The following AGBL4 variants were observed in gnomAD, a reference collection of about 807,000 sequenced individuals.
AGBL4 encodes the protein cytosolic carboxypeptidase 6.
In AGBL4, 58 loss-of-function variants were observed where a neutral mutation model predicts 66.4. The observed-to-expected ratio is 0.87, with a 90% CI of 0.71 to 1.09. The LOEUF (loss-of-function observed/expected upper bound fraction) is 1.09. AGBL4 is among the 50% of genes least tolerant of loss of function. The probability of loss-of-function intolerance (pLI) is 0.00; values close to 1 mark genes in which losing one functional copy is unlikely to be tolerated. For synonymous variants in AGBL4, 234 were observed against 222.9 expected (o/e 1.05, Z -0.44); for missense variants, 579 against 631.0 (o/e 0.92, Z 0.88).
intron 3 of AGBL4, among the ~76,000 whole-genome samples, chr1:49,588,931 A>G (rs1296911380): frequency 6.7e-6 from 1 of 148,426 alleles, no homozygotes; most frequent in African/African-American, 2.6e-5. Flanking sequence ...TGCTTCATTT[A>G]TGTTAGAAAT....
intron 2 of AGBL4, among the ~76,000 whole-genome samples, chr1:49,829,992 A>G (rs1414296360): frequency 6.6e-6 from 1 of 152,186 alleles, no homozygotes; most frequent in African/African-American, 2.4e-5. Context: ...GTATATGTGC[A>G]CATTTTCTTT....
At chr1:49,593,275 C>T (rs1010809123) in intron 3 of AGBL4, among the ~76,000 whole-genome samples, 1 of 151,996 alleles carries the variant, frequency 6.6e-6, no homozygotes, top group Non-Finnish European at 1.5e-5. Flanking sequence ...GGTGTGGTGG[C>T]AGGCGCCTGT....
chr1:49,365,129 C>T (rs1644219390), intron 3 of AGBL4, among the ~76,000 whole-genome samples: 1 of 152,098 alleles, frequency 6.6e-6, no homozygotes, highest in African/African-American at 2.4e-5. Context: ...AGACTTGAAG[C>T]ACATATAAAA....
chr1:49,169,947 T>C (rs575949866), intron 4 of AGBL4, among the ~76,000 whole-genome samples: 33 of 152,096 alleles, frequency 2.2e-4, no homozygotes, highest in South Asian at 2.1e-3. Context: ...TGCAAAGGCA[T>C]ACTGAGTGGT....
chr1:48,786,235 A>G (rs1297486393), intron 6 of AGBL4, among the ~76,000 whole-genome samples: 1 of 152,196 alleles, frequency 6.6e-6, no homozygotes, highest in East Asian at 1.9e-4. Context: ...GAACTGTACT[A>G]ACTGCTTTAC....
At chr1:49,942,121 A>C (rs1654820177) in intron 1 of AGBL4, among the ~76,000 whole-genome samples, 1 of 152,168 alleles carries the variant, frequency 6.6e-6, no homozygotes, top group African/African-American at 2.4e-5. Flanking sequence ...AAATACTTAG[A>C]AATAAATTCA....
intron 4 of AGBL4, among the ~76,000 whole-genome samples, chr1:49,213,704 C>T (rs1648852925): frequency 6.6e-6 from 1 of 152,030 alleles, no homozygotes; most frequent in Non-Finnish European, 1.5e-5. Context: ...GCAAAAACAG[C>T]CTAATATAAT....
chr1:49,743,317 A>G (rs1368848983), intron 2 of AGBL4, among the ~76,000 whole-genome samples: 8 of 152,226 alleles, frequency 5.3e-5, no homozygotes, highest in African/African-American at 9.6e-5. Context: ...CATCATCACT[A>G]GCCATCAGAG....
intron 3 of AGBL4, among the ~76,000 whole-genome samples, chr1:49,395,829 GTGTA>G (rs1412955116): frequency 9.1e-4 from 65 of 71,220 alleles, no homozygotes; most frequent in African/African-American, 3.9e-3. Context: ...ATATATATAT[GTGTA>G]TATATATATA....
At chr1:49,889,250 G>A (rs951772716) in intron 1 of AGBL4, among the ~76,000 whole-genome samples, 16 of 152,072 alleles carry the variant, frequency 1.1e-4, no homozygotes, top group Non-Finnish European at 1.6e-4. Flanking sequence ...GAGGCAGGAG[G>A]TTCACTTGAG....
At chr1:49,863,372 C>A (rs1049743806) in intron 1 of AGBL4, among the ~76,000 whole-genome samples, 1 of 152,096 alleles carries the variant, frequency 6.6e-6, no homozygotes, top group Admixed American at 6.6e-5. Context: ...ATTGGTCTGG[C>A]CAAAGATTTC....
At chr1:49,825,406 T>C (rs1233378605) in intron 2 of AGBL4, among the ~76,000 whole-genome samples, 4 of 152,164 alleles carry the variant, frequency 2.6e-5, no homozygotes, top group African/African-American at 9.7e-5. Context: ...TACATTACCT[T>C]ATGTAATTTT....
chr1:49,940,449 C>G (rs1283379661), intron 1 of AGBL4, among the ~76,000 whole-genome samples: 1 of 152,084 alleles, frequency 6.6e-6, no homozygotes, highest in Non-Finnish European at 1.5e-5. Context: ...TTGGAACCAA[C>G]CCAAATGTCC....
In AGBL4 at chr1:48,736,845, A is replaced by C. The variant is rs1265058861; in HGVS notation, c.635-73604T>G. Among the ~76,000 whole-genome samples the C allele has an allele frequency of 6.6e-6, 1 of 152,188 alleles. No individual in the cohort carries two copies. The highest frequency in any genetic ancestry group is 2.4e-5 in the African/African-American group (1 of 41,448). On this transcript the variant is annotated intron_variant, in intron 6 of 13. Transcript: ENST00000371839. The surrounding 1 kb of genome is among the most constrained non-coding windows in gnomAD (Gnocchi z 4.0). ...GCTGCTCAGAGCCTTACCAAATCTCAGGACACCCATGCTTAACTTCTTTCT... is the reference window on the plus strand; with the variant it reads ...GCTGCTCAGAGCCTTACCAAATCTCCGGACACCCATGCTTAACTTCTTTCT...
chr1:48,852,768 T>C (rs563214485), intron 6 of AGBL4, among the ~76,000 whole-genome samples: 37 of 152,130 alleles, frequency 2.4e-4, no homozygotes, highest in Non-Finnish European at 4.3e-4. Context: ...CTCCAAAATC[T>C]CTGCCAATCT....
At chr1:48,795,317 A>C (rs1645647415) in intron 6 of AGBL4, among the ~76,000 whole-genome samples, 1 of 151,988 alleles carries the variant, frequency 6.6e-6, no homozygotes, top group African/African-American at 2.4e-5. Context: ...TCTGGGCTCA[A>C]CTCATGCTAC....
rs537293565 is a variant in AGBL4 at position 48,708,833 on chromosome 1, C to T, written c.635-45592G>A. 5.3e-4 allele frequency among the ~76,000 whole-genome samples: 80 copies of T among 152,326 alleles called. 2 individuals are homozygous for T. The highest frequency in any genetic ancestry group is 1.9e-3 in the African/African-American group (79 of 41,578). On this transcript the variant is annotated intron_variant, in intron 6 of 13. Transcript: ENST00000371839. Reference sequence around the variant, plus strand: ...CCACTGGCCACCTCCCTCTGCCTCCCTTGGCCTCCCTGTCTGGGACCCAAT... The same window carrying T: ...CCACTGGCCACCTCCCTCTGCCTCCTTTGGCCTCCCTGTCTGGGACCCAAT...
At chr1:49,392,508 T>C (rs1380867132) in intron 3 of AGBL4, among the ~76,000 whole-genome samples, 1 of 152,226 alleles carries the variant, frequency 6.6e-6, no homozygotes, top group Admixed American at 6.5e-5. Context: ...GAACCACTAA[T>C]GTACTTGAGG....
intron 1 of AGBL4, among the ~76,000 whole-genome samples, chr1:49,864,087 A>G (rs1465989948): frequency 6.6e-6 from 1 of 152,240 alleles, no homozygotes; most frequent in Non-Finnish European, 1.5e-5. Flanking sequence ...AGCCATAAAA[A>G]AAATGAGATC....
Sources: allele counts gnomAD v4.1 joint callset (sites outside exome capture counted in the v4.1 genomes callset), GRCh38; gene constraint gnomAD v4.1.1; non-coding constraint Gnocchi (gnomAD v3.1); transcripts MANE v1.5; gene names NCBI Gene and HGNC (gene_info 2026-07-23, HGNC 2026-07-21).